Variants in GNA14 observed in about 807,000 individuals in gnomAD.
GNA14 encodes the protein G protein subunit alpha 14.
In GNA14, 50 loss-of-function variants were observed where a neutral mutation model predicts 42.0. The observed-to-expected ratio is 1.19, with a 90% CI of 0.95 to 1.51. The LOEUF (loss-of-function observed/expected upper bound fraction) is 1.51, where lower values mean the gene tolerates loss of function less well. Among genes scored for constraint, GNA14 ranks in the 40% most tolerant of loss-of-function variants. The pLI is 0.00. For missense variants in GNA14, 473 were observed against 446.2 expected (o/e 1.06, Z -0.54); for synonymous variants, 173 against 163.1 (o/e 1.06, Z -0.46).
At chr9:77,482,719 C>T (rs1836578087) in intron 2 of GNA14, among the ~76,000 whole-genome samples, 1 of 152,222 alleles carries the variant, frequency 6.6e-6, no homozygotes, top group African/African-American at 2.4e-5. Context: ...GGTCTTTTCA[C>T]ATAGTCCCAT....
intron 2 of GNA14, among the ~76,000 whole-genome samples, chr9:77,473,221 C>T (rs1564024784): frequency 6.6e-6 from 1 of 152,242 alleles, no homozygotes; most frequent in East Asian, 1.9e-4. Context: ...CTTTGGGAGG[C>T]TAAGGCAGGC....
At chr9:77,589,293 C>A (rs1296611119) in intron 1 of GNA14, among the ~76,000 whole-genome samples, 1 of 152,194 alleles carries the variant, frequency 6.6e-6, no homozygotes, top group East Asian at 1.9e-4. Flanking sequence ...AAGGAGGAAG[C>A]TATTTGACTT....
At chr9:77,534,548 T>G (rs1837570968) in intron 1 of GNA14, among the ~76,000 whole-genome samples, 1 of 152,182 alleles carries the variant, frequency 6.6e-6, no homozygotes, top group Non-Finnish European at 1.5e-5. Flanking sequence ...ATCTCCCAAT[T>G]GTGATGTGTT....
chr9:77,615,967 TACTTC>T (rs1253432146), intron 1 of GNA14, among the ~76,000 whole-genome samples: 3 of 152,096 alleles, frequency 2.0e-5, no homozygotes, highest in Non-Finnish European at 4.4e-5. Context: ...GTCACTGAAA[TACTTC>T]ATATCTTGGT....
At chr9:77,524,649 A>G (rs1837405955) in intron 2 of GNA14, among the ~76,000 whole-genome samples, 1 of 152,194 alleles carries the variant, frequency 6.6e-6, no homozygotes, top group Non-Finnish European at 1.5e-5. Context: ...TGAATCACTA[A>G]TCAGTTTATC....
intron 1 of GNA14, among the ~76,000 whole-genome samples, chr9:77,574,835 G>A (rs926450495): frequency 6.6e-6 from 1 of 152,182 alleles, no homozygotes; most frequent in East Asian, 1.9e-4. Context: ...AGAAACAGGG[G>A]AGTCTTATGT....
intron 1 of GNA14, among the ~76,000 whole-genome samples, chr9:77,581,523 C>T (rs1823223586): frequency 6.6e-6 from 1 of 152,174 alleles, no homozygotes; most frequent in Non-Finnish European, 1.5e-5. Flanking sequence ...CACATGATTG[C>T]CCTGGATTCA....
In GNA14 at chr9:77,423,612, T is replaced by C. The variant is rs1835408118; in HGVS notation, c.*367A>G. ...AATTAACTCTAGAGGTTTGAAGGCA[T>C]GATCTATAAACTAACAGGCTCCTTG... On this transcript the variant is annotated 3_prime_UTR_variant, in exon 7 of 7. Coordinates refer to ENST00000341700, the MANE Select transcript of GNA14 (RefSeq NM_004297.4). The C allele has an allele frequency of 6.5e-6, 1 of 154,358 alleles. No individual in the cohort carries two copies. Among genetic ancestry groups the C allele is most frequent in the Non-Finnish European group, 1.4e-5 (1 of 69,548 alleles). The allele number at this position is 154,358 out of a possible 1,614,324, so 9.6% of individuals were successfully genotyped here.
intron 1 of GNA14, among the ~76,000 whole-genome samples, chr9:77,545,830 A>G (rs975634485): frequency 2.6e-5 from 4 of 152,112 alleles, no homozygotes; most frequent in Non-Finnish European, 5.9e-5. Context: ...CATGATCTTT[A>G]TATGTCTTCT....
chr9:77,580,489 A>T, intron 1 of GNA14: 1 of 385,656 alleles, frequency 2.6e-6, no homozygotes, highest in Non-Finnish European at 5.3e-6. Context: ...TAGCTGCATC[A>T]TCAGCATGGT....
intron 1 of GNA14, among the ~76,000 whole-genome samples, chr9:77,605,404 T>A (rs1055041921): frequency 6.6e-6 from 1 of 150,790 alleles, no homozygotes; most frequent in African/African-American, 2.5e-5. Flanking sequence ...ATATGGCACA[T>A]TGGCATTTGA....
chr9:77,544,401 A>G (rs947122725), intron 1 of GNA14, among the ~76,000 whole-genome samples: 5 of 152,144 alleles, frequency 3.3e-5, no homozygotes, highest in Non-Finnish European at 7.4e-5. Context: ...AACTCATTTC[A>G]TTTGTAAGAA....
intron 2 of GNA14, among the ~76,000 whole-genome samples, chr9:77,481,609 A>C (rs1179222580): frequency 1.3e-5 from 2 of 151,994 alleles, no homozygotes; most frequent in Non-Finnish European, 2.9e-5. Context: ...ATCCTTGTTA[A>C]CTTTCTGTCT....
At chr9:77,612,673 A>G (rs1823752684) in intron 1 of GNA14, among the ~76,000 whole-genome samples, 1 of 152,156 alleles carries the variant, frequency 6.6e-6, no homozygotes, top group African/African-American at 2.4e-5. Flanking sequence ...TAAAAAAAAA[A>G]AAAAGATGAC....
intron 1 of GNA14, among the ~76,000 whole-genome samples, chr9:77,579,073 G>A (rs1823174566): frequency 6.6e-6 from 1 of 152,206 alleles, no homozygotes; most frequent in Non-Finnish European, 1.5e-5. Flanking sequence ...AGCTGCCCGA[G>A]ATGGGATGAG....
At chr9:77,446,929 A>G (rs1835828697) in intron 2 of GNA14, among the ~76,000 whole-genome samples, 1 of 152,160 alleles carries the variant, frequency 6.6e-6, no homozygotes, top group Non-Finnish European at 1.5e-5. Flanking sequence ...CACCAAGTAT[A>G]AATCCTGGCT....
intron 1 of GNA14, among the ~76,000 whole-genome samples, chr9:77,603,841 G>C (rs193276575): frequency 2.6e-5 from 4 of 151,194 alleles, no homozygotes; most frequent in Non-Finnish European, 2.9e-5. Flanking sequence ...GGTGGCGGGA[G>C]GCTGAGGCGG....
At chr9:77,573,423 TG>T (rs1463848946) in intron 1 of GNA14, among the ~76,000 whole-genome samples, 3 of 151,986 alleles carry the variant, frequency 2.0e-5, no homozygotes, top group African/African-American at 7.3e-5. Flanking sequence ...CACTCCAGCC[TG>T]GGCAACAAAG....
At chr9:77,438,081 A>G (rs1425924863) in intron 2 of GNA14, among the ~76,000 whole-genome samples, 1 of 152,140 alleles carries the variant, frequency 6.6e-6, no homozygotes, top group Admixed American at 6.6e-5. Flanking sequence ...CCTCACCAGG[A>G]GAGGAAGACA....
Sources: allele counts gnomAD v4.1 joint callset (sites outside exome capture counted in the v4.1 genomes callset), GRCh38; gene constraint gnomAD v4.1.1; transcripts MANE v1.5; gene names NCBI Gene and HGNC (gene_info 2026-07-23, HGNC 2026-07-21).